MSH4: variants seen among roughly 807,000 people sequenced by gnomAD.
The protein encoded by MSH4 is mutS protein homolog 4.
Under a neutral mutation model 113.7 loss-of-function variants are expected in MSH4, and 106 were observed. The observed-to-expected ratio is 0.93, with a 90% CI of 0.80 to 1.10. The LOEUF is 1.10. Among genes scored for constraint, MSH4 ranks in the 50% least tolerant of loss-of-function variants. MSH4 has a pLI of 0.00. For synonymous variants in MSH4, 368 were observed against 380.2 expected (o/e 0.97, Z 0.37); for missense variants, 1,061 against 1,093.7 (o/e 0.97, Z 0.42).
chr1:75,805,576 G>T (rs1172834283), intron 2 of MSH4, among the ~76,000 whole-genome samples: 4 of 150,038 alleles, frequency 2.7e-5, no homozygotes, highest in Non-Finnish European at 5.9e-5. Flanking sequence ...TAGTAGAGAT[G>T]GGGTTTCGCC....
intron 8 of MSH4, among the ~76,000 whole-genome samples, chr1:75,860,996 C>T (rs558386441): frequency 1.2e-3 from 186 of 152,262 alleles, no homozygotes; most frequent in African/African-American, 4.3e-3. Context: ...TGTCTTCTCT[C>T]TTTATTTCAT....
chr1:75,806,396 T>C (rs1232279080), intron 2 of MSH4, among the ~76,000 whole-genome samples: 5 of 151,816 alleles, frequency 3.3e-5, no homozygotes, highest in South Asian at 2.1e-4. Context: ...CACAGGCACC[T>C]GCCACCACGC....
chr1:75,891,881 A>G (rs1652264853), intron 17 of MSH4, among the ~76,000 whole-genome samples: 1 of 152,234 alleles, frequency 6.6e-6, no homozygotes, highest in South Asian at 2.1e-4. Context: ...AATTTCTCAT[A>G]TAAATAAAGT....
In MSH4 at chr1:75,806,945, A is replaced by C; in HGVS notation, c.428-36A>C. On this transcript the variant is annotated intron_variant, in intron 2 of 19. Transcript: ENST00000263187. Reference sequence around the variant, plus strand: ...TTTAAAAAAAGAAATGATTATTATCAATGTTTATATCTTTTCTTTATTTAA... The same window carrying C: ...TTTAAAAAAAGAAATGATTATTATCCATGTTTATATCTTTTCTTTATTTAA... 3 of 1,495,794 alleles carry C rather than the reference A, an allele frequency of 2.0e-6. No homozygotes were observed. The African/African-American group carries it at 4.4e-5, about 22-fold the overall frequency. The allele number at this position is 1,495,794 out of a possible 1,614,324, so 92.7% of individuals were successfully genotyped here. A position where few individuals can be genotyped will look rare whatever the true frequency, so the allele number is the denominator to read the frequency against.
intron 19 of MSH4, among the ~76,000 whole-genome samples, chr1:75,906,831 T>TTTTC (rs1652668441): frequency 6.8e-6 from 1 of 146,710 alleles, no homozygotes; most frequent in African/African-American, 2.5e-5. Context: ...AAACGTGTCT[T>TTTTC]TTTTTTTTTC....
chr1:75,906,136 A>T (rs942856353), intron 19 of MSH4, among the ~76,000 whole-genome samples: 1 of 151,238 alleles, frequency 6.6e-6, no homozygotes, highest in Admixed American at 6.6e-5. Flanking sequence ...GATTACAGGC[A>T]CCCGCCTGTA....
intron 3 of MSH4, among the ~76,000 whole-genome samples, chr1:75,810,082 C>T (rs1291938660): frequency 6.6e-6 from 1 of 151,878 alleles, no homozygotes; most frequent in Non-Finnish European, 1.5e-5. Flanking sequence ...AATTTTTGAA[C>T]TTAAGGCTGT....
Position 75,803,813 on chromosome 1 carries a change from A to G in MSH4, c.327A>G (p.Ala109=). 6.2e-7 allele frequency: 1 copy of G among 1,608,304 alleles called. No homozygotes were observed. The highest frequency in any genetic ancestry group is 8.5e-7 in the Non-Finnish European group (1 of 1,177,700). Residue 109 remains alanine (A), a synonymous_variant, in exon 2 of 20, where the codon GCA becomes GCG. Transcript: ENST00000263187. ...CTTTTGGTGCAAGCTCATCTTCTGC[A>G]CGAGATACTAATTATCCTCAAACAC... ...NFTFGASSSS[A]RDTNYPQTLK... is the part of the protein sequence containing the mutation.
intron 8 of MSH4, among the ~76,000 whole-genome samples, chr1:75,853,657 T>G (rs941419734): frequency 6.6e-6 from 1 of 151,434 alleles, no homozygotes; most frequent in African/African-American, 2.4e-5. Context: ...TTAATCCATA[T>G]GGACTGATGA....
intron 9 of MSH4, among the ~76,000 whole-genome samples, chr1:75,871,061 C>T (rs11161792): frequency 0.2 from 30,384 of 152,144 alleles, 3,320 homozygotes; most frequent in Middle Eastern, 0.28. Flanking sequence ...AATTGACTCA[C>T]AGTTCAGTAT....
intron 1 of MSH4, among the ~76,000 whole-genome samples, chr1:75,802,268 G>T (rs888180809): frequency 6.6e-6 from 1 of 152,178 alleles, no homozygotes; most frequent in Non-Finnish European, 1.5e-5. Flanking sequence ...TCAGAAAATA[G>T]ATGTTAATAG....
At chr1:75,819,349 C>T (rs77302232) in intron 6 of MSH4, among the ~76,000 whole-genome samples, 3,197 of 152,110 alleles carry the variant, frequency 0.021, 116 homozygotes, top group African/African-American at 0.073. Context: ...AAAATTTAGC[C>T]AGCATAGTGG....
chr1:75,806,294 C>A (rs2100505260), intron 2 of MSH4, among the ~76,000 whole-genome samples: 1 of 114,614 alleles, frequency 8.7e-6, no homozygotes, highest in East Asian at 2.8e-4. Context: ...GTAGCCCAGG[C>A]TAGAGTGCAG....
intron 18 of MSH4, among the ~76,000 whole-genome samples, chr1:75,899,075 G>C (rs1040492239): frequency 6.6e-6 from 1 of 152,132 alleles, no homozygotes; most frequent in East Asian, 1.9e-4. Context: ...TTGGTGTACA[G>C]TAGAAAGCCA....
At chr1:75,869,583 C>T (rs966638096) in intron 9 of MSH4, among the ~76,000 whole-genome samples, 11 of 152,160 alleles carry the variant, frequency 7.2e-5, no homozygotes, top group East Asian at 1.9e-4. Context: ...TGGTGCTCTG[C>T]GTCGCAGTTG....
chr1:75,805,383 G>GTTTTTTTTT (rs35951661), intron 2 of MSH4, among the ~76,000 whole-genome samples: 1 of 124,324 alleles, frequency 8.0e-6, no homozygotes, highest in Non-Finnish European at 1.8e-5. Context: ...ACCATTTTTT[G>GTTTTTTTTT]TTTTTTTTTT....
chr1:75,859,036 T>C (rs900053490), intron 8 of MSH4, among the ~76,000 whole-genome samples: 1 of 152,226 alleles, frequency 6.6e-6, no homozygotes, highest in Non-Finnish European at 1.5e-5. Context: ...TTCTAGATTT[T>C]CTAGTTTATT....
At chr1:75,830,776 G>T (rs1178602211) in intron 7 of MSH4, among the ~76,000 whole-genome samples, 1 of 152,156 alleles carries the variant, frequency 6.6e-6, no homozygotes, top group Non-Finnish European at 1.5e-5. Flanking sequence ...CCTTACAAGA[G>T]CTCCTGAAGA....
intron 18 of MSH4, among the ~76,000 whole-genome samples, chr1:75,898,813 G>GA (rs1394594073): frequency 6.6e-6 from 1 of 151,938 alleles, no homozygotes; most frequent in Non-Finnish European, 1.5e-5. Context: ...CCCTTTGAGG[G>GA]AAAAAAACCA....
Sources: allele counts gnomAD v4.1 joint callset (sites outside exome capture counted in the v4.1 genomes callset), GRCh38; gene constraint gnomAD v4.1.1; transcripts MANE v1.5; gene names NCBI Gene and HGNC (gene_info 2026-07-23, HGNC 2026-07-21).